Variants in LMX1B observed in about 807,000 individuals in gnomAD.
LMX1B encodes LIM homeobox transcription factor 1-beta.
A neutral mutation model predicts 51.4 loss-of-function variants in LMX1B; 12 were observed. The ratio of observed to expected loss-of-function variants is 0.23; its 90% CI spans 0.15 to 0.38. LMX1B has a LOEUF of 0.38. Ranked by LOEUF, LMX1B falls within the 10% of genes least tolerant of loss-of-function variation. The pLI is 1.00. For missense variants in LMX1B, 445 were observed against 571.1 expected (o/e 0.78, Z 2.25); for synonymous variants, 237 against 235.4 (o/e 1.01, Z -0.06).
chr9:126,683,240 C>G (rs947048497), intron 2 of LMX1B, among the ~76,000 whole-genome samples: 12 of 151,158 alleles, frequency 7.9e-5, no homozygotes, highest in Non-Finnish European at 1.6e-4. Flanking sequence ...CCCGTCTCGC[C>G]GCGCATTCCA....
intron 2 of LMX1B, among the ~76,000 whole-genome samples, chr9:126,653,091 C>A (rs1836051028): frequency 6.6e-6 from 1 of 150,706 alleles, no homozygotes; most frequent in Non-Finnish European, 1.5e-5. Context: ...ATCCCCCCAT[C>A]CCAAACCCAA....
chr9:126,684,599 A>T lies in LMX1B; in HGVS notation c.327-6237A>T, dbSNP rs916580949. On this transcript the variant is annotated intron_variant, in intron 2 of 7. Coordinates refer to ENST00000373474, the MANE Select transcript of LMX1B (RefSeq NM_001174147.2). ...ATGGAGGTGTGGCAGCCACACCTGA[A>T]GATGGAGTAGGGGCTGACAGAGCTC... Among the ~76,000 whole-genome samples the T allele has an allele frequency of 2.0e-5, 3 of 152,172 alleles. No individual in the cohort carries two copies. The East Asian group carries it at 5.8e-4, about 29-fold the overall frequency.
intron 4 of LMX1B, 21 bp downstream of exon 4, chr9:126,693,344 G>A (rs774024722): frequency 2.6e-5 from 41 of 1,581,352 alleles, no homozygotes; most frequent in South Asian, 2.1e-4. Flanking sequence ...GCCGGGGGGC[G>A]GGGCTCAGGC....
intron 2 of LMX1B, among the ~76,000 whole-genome samples, chr9:126,635,147 A>G (rs922317960): frequency 9.2e-5 from 14 of 152,210 alleles, no homozygotes; most frequent in African/African-American, 3.1e-4. Flanking sequence ...CCCAGAGGCC[A>G]CTTACCCAGG....
At chr9:126,691,125 C>G in intron 3 of LMX1B, 57 bp downstream of exon 3, 9 of 1,407,792 alleles carry the variant, frequency 6.4e-6, no homozygotes, top group Non-Finnish European at 7.9e-6. Context: ...CTGGGGTGTC[C>G]TGGAGGGGAG....
intron 2 of LMX1B, among the ~76,000 whole-genome samples, chr9:126,632,313 G>T (rs1262671571): frequency 6.6e-6 from 1 of 152,166 alleles, no homozygotes; most frequent in Non-Finnish European, 1.5e-5. Flanking sequence ...CGTGAGATGG[G>T]AGGCTGCAGC....
chr9:126,689,326 C>A (rs891553152), intron 2 of LMX1B, among the ~76,000 whole-genome samples: 3 of 152,200 alleles, frequency 2.0e-5, no homozygotes, highest in African/African-American at 7.2e-5. Context: ...GGAAGGGAGG[C>A]AGGCGAGTGC....
Position 126,696,016 on chromosome 9 carries a change from A to ACCGGG in LMX1B, c.1051+15_1051+16insGGGCC. 2 of 1,512,692 alleles carry ACCGGG rather than the reference A, an allele frequency of 1.3e-6. No homozygotes were observed. The highest frequency in any genetic ancestry group is 1.8e-6 in the Non-Finnish European group (2 of 1,131,786). 93.7% of individuals were successfully genotyped at this position (1,512,692 alleles called of 1,614,324 possible). A position where few individuals can be genotyped will look rare whatever the true frequency, so the allele number is the denominator to read the frequency against. ...ATGAACCCCTATGGTAAGCCGCCCT[A>ACCGGG]CCCCCACCCGCCCGCCCCAGCACAG... On this transcript the variant is annotated intron_variant, in intron 7 of 7. Transcript: ENST00000373474.
intron 2 of LMX1B, among the ~76,000 whole-genome samples, chr9:126,647,841 A>G (rs1024889994): frequency 1.3e-5 from 2 of 152,244 alleles, no homozygotes; most frequent in Non-Finnish European, 2.9e-5. Flanking sequence ...AGCCTCGAGC[A>G]GCCAGCCTGA....
chr9:126,696,596 C>T lies in LMX1B; in HGVS notation c.*145C>T. ...CTCCCCTCGGCCAGCTGGGCCTGAC[C>T]ACTGTGCCCGTTGGGTACAGCCAGA... On this transcript the variant is annotated 3_prime_UTR_variant, in exon 8 of 8. Transcript: ENST00000373474. 1.1e-6 allele frequency: 1 copy of T among 909,060 alleles called. No individual in the cohort carries two copies. The highest frequency in any genetic ancestry group is 1.7e-6 in the Non-Finnish European group (1 of 586,484). The allele number at this position is 909,060 out of a possible 1,614,324, so 56.3% of individuals were successfully genotyped here. A position where few individuals can be genotyped will look rare whatever the true frequency, so the allele number is the denominator to read the frequency against.
intron 2 of LMX1B, among the ~76,000 whole-genome samples, chr9:126,684,197 G>A (rs1319232486): frequency 2.0e-5 from 3 of 152,180 alleles, no homozygotes; most frequent in Non-Finnish European, 4.4e-5. Flanking sequence ...GTGGGCTTGG[G>A]CATGGAGAGG....
Position 126,618,629 on chromosome 9 carries a change from C to T in LMX1B, c.326+3060C>T, listed in dbSNP as rs1160501240. Among the ~76,000 whole-genome samples, 1 of 152,192 alleles carries T rather than the reference C, an allele frequency of 6.6e-6. No individual in the cohort carries two copies. Among genetic ancestry groups the T allele is most frequent in the Non-Finnish European group, 1.5e-5 (1 of 68,044 alleles). On this transcript the variant is annotated intron_variant, in intron 2 of 7. Coordinates refer to ENST00000373474, the MANE Select transcript of LMX1B (RefSeq NM_001174147.2). The surrounding 1 kb of genome is among the most constrained non-coding windows in gnomAD (Gnocchi z 4.5). ...AATCAGAACACCTCTCACCGTCCTC[C>T]ACCGGAGAACAAATGAAAAATAAGG...
rs1352062980 is a variant in LMX1B at position 126,673,691 on chromosome 9, C to T, written c.327-17145C>T. ...TGGCTAGGGGCCAGCACTGTGCTTC[C>T]TGGGCGCCTCACCTCCTCCCTGACT... On this transcript the variant is annotated intron_variant, in intron 2 of 7. Coordinates refer to ENST00000373474, the MANE Select transcript of LMX1B (RefSeq NM_001174147.2). This position sits in a 1 kb window ranked among gnomAD's most constrained non-coding sequence, Gnocchi z 4.4. Among the ~76,000 whole-genome samples the T allele has an allele frequency of 2.6e-5, 4 of 152,120 alleles. No homozygotes were observed. The highest frequency in any genetic ancestry group is 5.9e-5 in the Non-Finnish European group (4 of 67,994).
At position 126,625,860 on chromosome 9, in the gene LMX1B, C is replaced by A. The variant is rs1376030735; in HGVS notation, c.326+10291C>A. 1.3e-5 allele frequency among the ~76,000 whole-genome samples: 2 copies of A among 152,206 alleles called. No individual in the cohort carries two copies. Among genetic ancestry groups the A allele is most frequent in the African/African-American group, 2.4e-5 (1 of 41,468 alleles). On this transcript the variant is annotated intron_variant, in intron 2 of 7. Coordinates refer to ENST00000373474, the MANE Select transcript of LMX1B (RefSeq NM_001174147.2). The surrounding 1 kb of genome is among the most constrained non-coding windows in gnomAD (Gnocchi z 5.3). Reference sequence around the variant, plus strand: ...CTCGGACAAGCAGAACTCCGGCAGGCGCAGCGGGCGCCGAGGCTTGGGCTT... The same window carrying A: ...CTCGGACAAGCAGAACTCCGGCAGGAGCAGCGGGCGCCGAGGCTTGGGCTT...
chr9:126,633,614 C>T (rs1256084923), intron 2 of LMX1B, among the ~76,000 whole-genome samples: 1 of 152,086 alleles, frequency 6.6e-6, no homozygotes, highest in Non-Finnish European at 1.5e-5. Flanking sequence ...AAATTAGTAC[C>T]CTCCGGGAGA....
chr9:126,664,093 G>A (rs548525027), intron 2 of LMX1B, among the ~76,000 whole-genome samples: 1 of 152,266 alleles, frequency 6.6e-6, no homozygotes, highest in African/African-American at 2.4e-5. Flanking sequence ...CAGCCCAGGG[G>A]ATACCAGGTG....
chr9:126,693,341 G>C lies in LMX1B; in HGVS notation c.741+18G>C. On this transcript the variant is annotated intron_variant, in intron 4 of 7. Transcript: ENST00000373474. ...GCCGAAAGGTGAGGGGCGGCCGGGG[G>C]GCGGGGCTCAGGCTGATGCCCGCAC... 6.3e-7 allele frequency: 1 copy of C among 1,582,530 alleles called. No individual in the cohort carries two copies. Among genetic ancestry groups the C allele is most frequent in the Non-Finnish European group, 8.6e-7 (1 of 1,165,164 alleles).
At chr9:126,649,124 C>T (rs1835956781) in intron 2 of LMX1B, among the ~76,000 whole-genome samples, 1 of 151,992 alleles carries the variant, frequency 6.6e-6, no homozygotes, top group African/African-American at 2.4e-5. Flanking sequence ...ACCATTTGAC[C>T]CCCTGACCAT....
At chr9:126,670,984 C>T (rs553637065) in intron 2 of LMX1B, among the ~76,000 whole-genome samples, 3 of 152,276 alleles carry the variant, frequency 2.0e-5, no homozygotes, top group South Asian at 4.1e-4. Flanking sequence ...AGACCTCCCA[C>T]GCTAGCTGCC....
Sources: gnomAD v4.1 joint callset for allele counts (sites outside exome capture counted in the v4.1 genomes callset) on GRCh38, gnomAD v4.1.1 for gene constraint, Gnocchi (gnomAD v3.1) non-coding constraint, MANE v1.5 for transcripts, NCBI Gene and HGNC (gene_info 2026-07-23, HGNC 2026-07-21) for gene names.